ATAD2B: variants seen among roughly 807,000 people sequenced by gnomAD.
ATAD2B encodes the protein ATPase family AAA domain-containing protein 2B.
Under a neutral mutation model 167.6 loss-of-function variants are expected in ATAD2B, and 40 were observed. The ratio of observed to expected loss-of-function variants is 0.24; its 90% CI spans 0.19 to 0.31. ATAD2B has a LOEUF of 0.31. Among genes scored for constraint, ATAD2B ranks in the 10% least tolerant of loss-of-function variants. The pLI is 1.00. For missense variants in ATAD2B, 1,242 were observed against 1,757.2 expected (o/e 0.71, Z 5.24); for synonymous variants, 579 against 596.5 (o/e 0.97, Z 0.43).
rs1698486122 is a variant in ATAD2B at position 23,885,124 on chromosome 2, C to T, written c.676-251G>A. On this transcript the variant is annotated intron_variant, in intron 5 of 27. Coordinates refer to ENST00000238789, the MANE Select transcript of ATAD2B (RefSeq NM_017552.4). Reference sequence around the variant, plus strand: ...CTTTCTCCCTCAAGCAAATTACAGCCTAGTAGGAGGGAAATAAGACAATCA... The same window carrying T: ...CTTTCTCCCTCAAGCAAATTACAGCTTAGTAGGAGGGAAATAAGACAATCA... Among the ~76,000 whole-genome samples, 4 of 151,988 alleles carry T rather than the reference C, an allele frequency of 2.6e-5. No individual in the cohort carries two copies. The South Asian group carries it at 8.3e-4, about 32-fold the overall frequency.
At chr2:23,696,632 C>G in the ATAD2B span, 1 of 773,776 alleles carries the variant, frequency 1.3e-6, no homozygotes, top group African/African-American at 1.8e-5. This position sits in a 1 kb window ranked among gnomAD's most constrained non-coding sequence, Gnocchi z 5.5. Flanking sequence ...CTGGACCATT[C>G]ATATGGGCAG....
intron 19 of ATAD2B, among the ~76,000 whole-genome samples, chr2:23,789,333 A>G (rs1421290853): frequency 2.0e-5 from 3 of 152,146 alleles, no homozygotes; most frequent in Non-Finnish European, 4.4e-5. Flanking sequence ...AAATTTGTCT[A>G]CTATGGCATT....
intron 1 of ATAD2B, 135 bp from the exon 2 acceptor site, chr2:23,896,105 C>A: frequency 3.9e-6 from 2 of 512,768 alleles, no homozygotes; most frequent in Non-Finnish European, 3.3e-6. Flanking sequence ...CACTTGAGGT[C>A]AGGAGTTCAA....
the ATAD2B span, chr2:23,696,628 C>T: frequency 1.2e-6 from 1 of 803,264 alleles, no homozygotes; most frequent in Middle Eastern, 3.8e-4. The surrounding 1 kb of genome is among the most constrained non-coding windows in gnomAD (Gnocchi z 5.5). Context: ...GAGCCTGGAC[C>T]ATTCATATGG....
intron 10 of ATAD2B, among the ~76,000 whole-genome samples, chr2:23,866,527 A>G (rs527871142): frequency 6.6e-6 from 1 of 152,204 alleles, no homozygotes; most frequent in East Asian, 1.9e-4. Flanking sequence ...TGAAGAAAAA[A>G]ATTTTTTAAA....
chr2:23,706,632 G>A, the ATAD2B span: 57 of 1,533,722 alleles, frequency 3.7e-5, no homozygotes, highest in Non-Finnish European at 4.2e-5. Flanking sequence ...ACACGGCTGC[G>A]TCGTGATAAA....
the ATAD2B span, among the ~76,000 whole-genome samples, chr2:23,729,039 T>C: frequency 6.6e-6 from 1 of 152,236 alleles, no homozygotes; most frequent in South Asian, 2.1e-4. Context: ...GGGGAGGTGC[T>C]ACACACTTTT....
chr2:23,879,556 A>G (rs1276644335), intron 7 of ATAD2B, among the ~76,000 whole-genome samples: 1 of 152,208 alleles, frequency 6.6e-6, no homozygotes, highest in Non-Finnish European at 1.5e-5. Flanking sequence ...GTAGTGTATT[A>G]TATTTGTGCT....
chr2:23,831,869 A>G (rs1481915300), intron 14 of ATAD2B, among the ~76,000 whole-genome samples: 1 of 152,190 alleles, frequency 6.6e-6, no homozygotes, highest in Non-Finnish European at 1.5e-5. Context: ...GAAACACATT[A>G]TCTTGCCCCT....
At chr2:23,922,844 AAAGAC>A (rs1704157218) in intron 1 of ATAD2B, among the ~76,000 whole-genome samples, 1 of 152,200 alleles carries the variant, frequency 6.6e-6, no homozygotes, top group South Asian at 2.1e-4. Flanking sequence ...CTCTTGTCAA[AAAGAC>A]AAGAGACAAC....
rs905080003 is a variant in ATAD2B at position 23,837,237 on chromosome 2, T to G, written c.1569-3159A>C. Reference sequence around the variant, plus strand: ...AGCCAGGCTGCAACAACACCCAGGCTTGGCCCCAATCTTGCTCCAAGATCG... The same window carrying G: ...AGCCAGGCTGCAACAACACCCAGGCGTGGCCCCAATCTTGCTCCAAGATCG... On this transcript the variant is annotated intron_variant, in intron 13 of 27. Transcript: ENST00000238789. Among the ~76,000 whole-genome samples the G allele has an allele frequency of 2.0e-5, 3 of 152,322 alleles. 1 individual carries two copies.
Position 23,774,815 on chromosome 2 carries a change from G to A in ATAD2B, c.3133+8054C>T, listed in dbSNP as rs555874734. Among the ~76,000 whole-genome samples the A allele has an allele frequency of 1.1e-4, 16 of 152,276 alleles. No individual in the cohort carries two copies. In the East Asian group the frequency reaches 2.3e-3, roughly 22 times the overall value. ...CTCAGGAGGCTGAGGCAGGAGAATC[G>A]CTTGAACCCGGGAGGCGGGGATTGC... is the stretch of plus-strand genomic sequence containing the variant. On this transcript the variant is annotated intron_variant, in intron 22 of 27. Transcript: ENST00000238789.
the ATAD2B span, among the ~76,000 whole-genome samples, chr2:23,743,612 AG>A: frequency 1.3e-5 from 2 of 150,558 alleles, no homozygotes; most frequent in African/African-American, 2.4e-5. Flanking sequence ...GGATGAACTG[AG>A]GAACAAACTA....
At chr2:23,863,716 C>G (rs1203449513) in intron 11 of ATAD2B, among the ~76,000 whole-genome samples, 161 bp from the exon 12 acceptor site, 1 of 152,144 alleles carries the variant, frequency 6.6e-6, no homozygotes, top group African/African-American at 2.4e-5. Flanking sequence ...TTTTACTTTG[C>G]TAAGTCCTTA....
chr2:23,752,366 T>C lies in ATAD2B; in HGVS notation c.4336-279A>G, dbSNP rs149777605. On this transcript the variant is annotated intron_variant, in intron 27 of 27. Coordinates refer to ENST00000238789, the MANE Select transcript of ATAD2B (RefSeq NM_017552.4). ...CCAGTAATATCAGTATGAGGTATGA[T>C]ATGAGTAATATGAATATAAGGATGA... is the stretch of plus-strand genomic sequence containing the variant. Among the ~76,000 whole-genome samples the C allele has an allele frequency of 1.0e-3, 152 of 151,832 alleles. 1 individual carries two copies. In the East Asian group the frequency reaches 0.027, roughly 27 times the overall value.
the ATAD2B span, chr2:23,703,086 T>C: frequency 5.9e-6 from 5 of 841,126 alleles, no homozygotes; most frequent in South Asian, 5.8e-5. Context: ...CTGGCCATGC[T>C]GAGGGCGAGG....
intron 13 of ATAD2B, among the ~76,000 whole-genome samples, chr2:23,841,304 A>G (rs1690870643): frequency 1.3e-5 from 2 of 152,124 alleles, no homozygotes; most frequent in Non-Finnish European, 2.9e-5. Flanking sequence ...TTACATGCAC[A>G]GTAATGCTTT....
the ATAD2B span, among the ~76,000 whole-genome samples, chr2:23,723,657 C>T: frequency 6.6e-6 from 1 of 152,166 alleles, no homozygotes; most frequent in Non-Finnish European, 1.5e-5. Context: ...TTCTTACACA[C>T]CATTGGTGGG....
At chr2:23,746,171 C>T (rs139775225), downstream of ATAD2B, among the ~76,000 whole-genome samples, 1,659 of 152,184 alleles carry the variant, frequency 0.011, 17 homozygotes, top group Middle Eastern at 0.037. Context: ...TAACACATGC[C>T]GTATTAGACT....
Sources: gnomAD v4.1 joint callset for allele counts (sites outside exome capture counted in the v4.1 genomes callset) on GRCh38, gnomAD v4.1.1 for gene constraint, Gnocchi (gnomAD v3.1) non-coding constraint, MANE v1.5 for transcripts, NCBI Gene and HGNC (gene_info 2026-07-23, HGNC 2026-07-21) for gene names.